Variants in MAP3K2 observed in about 807,000 individuals in gnomAD.
MAP3K2 encodes mitogen-activated protein kinase kinase kinase 2.
A neutral mutation model predicts 80.3 loss-of-function variants in MAP3K2; 24 were observed. That is an observed-to-expected ratio of 0.30 (90% CI 0.22 to 0.42). MAP3K2 has a LOEUF of 0.42. Among genes scored for constraint, MAP3K2 ranks in the 10% least tolerant of loss-of-function variants. The pLI is 1.00. For missense variants in MAP3K2, 608 were observed against 750.1 expected (o/e 0.81, Z 2.21); for synonymous variants, 244 against 253.7 (o/e 0.96, Z 0.36).
At chr2:127,376,577 A>G (rs1687155366) in intron 1 of MAP3K2, among the ~76,000 whole-genome samples, 1 of 152,172 alleles carries the variant, frequency 6.6e-6, no homozygotes. Context: ...GCAGTTCCGT[A>G]CAGGGGCTGC....
chr2:127,374,171 C>A (rs1017146030), intron 1 of MAP3K2, among the ~76,000 whole-genome samples: 20 of 152,286 alleles, frequency 1.3e-4, no homozygotes, highest in African/African-American at 4.6e-4. Context: ...TAGAAACTTT[C>A]TCCACTCAGC....
chr2:127,354,346 T>C (rs1055360184), intron 1 of MAP3K2, among the ~76,000 whole-genome samples: 2 of 151,722 alleles, frequency 1.3e-5, no homozygotes, highest in African/African-American at 4.9e-5. Flanking sequence ...AAATCCCTTA[T>C]TTGGTAACCC....
In MAP3K2 at chr2:127,300,032, T is replaced by C. The variant is rs1054944656; in HGVS notation, c.*7547A>G. On this transcript the variant is annotated 3_prime_UTR_variant, in exon 17 of 17. Coordinates refer to ENST00000682094, the MANE Select transcript of MAP3K2 (RefSeq NM_001371910.2). ...TAGTAATGGATTTTATAATACATTATAAAATTTTCTAATTTCTATTAATGT... is the reference window on the plus strand; with the variant it reads ...TAGTAATGGATTTTATAATACATTACAAAATTTTCTAATTTCTATTAATGT... The C allele has an allele frequency of 6.6e-6, 1 of 152,144 alleles. No individual in the cohort carries two copies. Among genetic ancestry groups the C allele is most frequent in the African/African-American group, 2.4e-5 (1 of 41,448 alleles). The allele number at this position is 152,144 out of a possible 1,614,324, so 9.4% of individuals were successfully genotyped here.
chr2:127,356,935 G>A (rs530861882), intron 1 of MAP3K2, among the ~76,000 whole-genome samples: 1 of 152,156 alleles, frequency 6.6e-6, no homozygotes, highest in Non-Finnish European at 1.5e-5. Context: ...AGAGTAAACA[G>A]ACAACCTACA....
upstream of MAP3K2, chr2:127,388,014 G>C (rs1181005901): frequency 5.1e-6 from 5 of 983,306 alleles, no homozygotes; most frequent in Non-Finnish European, 4.8e-6. Context: ...CCGCTCGCTC[G>C]TGCGCGCGCA....
chr2:127,378,742 T>C (rs2104899584), intron 1 of MAP3K2, among the ~76,000 whole-genome samples: 1 of 152,160 alleles, frequency 6.6e-6, no homozygotes, highest in Admixed American at 6.5e-5. Context: ...TTTACATCTA[T>C]ATGGTTTTTG....
chr2:127,335,227 T>C (rs1206176126), intron 5 of MAP3K2, among the ~76,000 whole-genome samples: 3 of 152,190 alleles, frequency 2.0e-5, no homozygotes, highest in African/African-American at 7.2e-5. Context: ...TTTCTGAATA[T>C]AAAAAACAAA....
rs180681213 is a variant in MAP3K2, at chr2:127,343,750, G to A, written c.-65-556C>T. 9.7e-4 allele frequency among the ~76,000 whole-genome samples: 147 copies of A among 152,330 alleles called. No individual in the cohort carries two copies. In the East Asian group the frequency reaches 0.013, roughly 14 times the overall value. On this transcript the variant is annotated intron_variant, in intron 1 of 16. Transcript: ENST00000682094. ...AAAGGTGTTTATGACCAAGTGCAGT[G>A]GCTCATGCCATAATCCCAGCACTTT...
Position 127,327,736 on chromosome 2 carries a change from T to G in MAP3K2, c.467-919A>C, listed in dbSNP as rs1019562198. On this transcript the variant is annotated intron_variant, in intron 7 of 16. Transcript: ENST00000682094. The stretch of plus-strand genomic sequence containing the variant: ...TATAAAAACAATTAAAAAGAATAAC[T>G]GCCAACATATAAGAAAAATAGATAA... Among the ~76,000 whole-genome samples the G allele has an allele frequency of 1.1e-4, 17 of 152,280 alleles. No homozygotes were observed. In the East Asian group the frequency reaches 3.1e-3, roughly 28 times the overall value.
At chr2:127,386,990 G>C (rs1687363573) in intron 1 of MAP3K2, among the ~76,000 whole-genome samples, 1 of 152,158 alleles carries the variant, frequency 6.6e-6, no homozygotes, top group Non-Finnish European at 1.5e-5. Context: ...AAGATGAAGA[G>C]AGATAATGCA....
intron 15 of MAP3K2, among the ~76,000 whole-genome samples, chr2:127,312,682 G>T (rs1685828758): frequency 6.6e-6 from 1 of 151,956 alleles, no homozygotes; most frequent in Admixed American, 6.6e-5. Context: ...ACAAACAAAG[G>T]CCGGGCACGG....
At position 127,302,505 on chromosome 2, in the gene MAP3K2, CACAGAAAAGTAACT is replaced by C. The variant is rs1558970078; in HGVS notation, c.*5060_*5073del. ...CATACATGCACACATGCACACACTT[CACAGAAAAGTAACT>C]TTTCTGTGAGTATTACCCAAAATGT... On this transcript the variant is annotated 3_prime_UTR_variant, in exon 17 of 17. Coordinates refer to ENST00000682094, the MANE Select transcript of MAP3K2 (RefSeq NM_001371910.2). The C allele has an allele frequency of 1.3e-5, 2 of 151,968 alleles. No individual in the cohort carries two copies. The allele number at this position is 151,968 out of a possible 1,614,324, so 9.4% of individuals were successfully genotyped here. A position where few individuals can be genotyped will look rare whatever the true frequency, so the allele number is the denominator to read the frequency against.
At position 127,378,587 on chromosome 2, in the gene MAP3K2, G is replaced by T. The variant is rs147429309; in HGVS notation, c.-66+8865C>A. On this transcript the variant is annotated intron_variant, in intron 1 of 16. Transcript: ENST00000682094. ...ATCAGTAAAATTGTAAATATGAAGA[G>T]TTGATTCTATAAAAATGAACCTGAA... Among the ~76,000 whole-genome samples the T allele has an allele frequency of 7.8e-4, 118 of 152,254 alleles. 1 individual carries two copies. In the East Asian group the frequency reaches 0.013, roughly 16 times the overall value.
chr2:127,332,480 C>G (rs935129365), intron 5 of MAP3K2, among the ~76,000 whole-genome samples: 3 of 152,194 alleles, frequency 2.0e-5, no homozygotes, highest in Admixed American at 2.0e-4. Flanking sequence ...TGGAGGGGTG[C>G]CTGGTGCAGC....
At chr2:127,334,178 C>T (rs571154283) in intron 5 of MAP3K2, among the ~76,000 whole-genome samples, 45 of 151,742 alleles carry the variant, frequency 3.0e-4, no homozygotes, top group African/African-American at 1.1e-3. Context: ...ACATAGCAAA[C>T]TGGGAGAAGT....
intron 1 of MAP3K2, among the ~76,000 whole-genome samples, chr2:127,352,156 C>T (rs1460175610): frequency 6.6e-6 from 1 of 152,012 alleles, no homozygotes; most frequent in African/African-American, 2.4e-5. Flanking sequence ...CGATTACAGC[C>T]GTGAGCCACC....
intron 12 of MAP3K2, among the ~76,000 whole-genome samples, chr2:127,320,948 A>T (rs763915469): frequency 3.3e-5 from 5 of 151,868 alleles, no homozygotes; most frequent in Non-Finnish European, 5.9e-5. Context: ...AGCAAAACCC[A>T]CTCTCTACAA....
At chr2:127,336,411 A>G (rs750108151) in intron 4 of MAP3K2, among the ~76,000 whole-genome samples, 17 of 152,322 alleles carry the variant, frequency 1.1e-4, no homozygotes, top group Non-Finnish European at 1.5e-4. Flanking sequence ...TTGGGTACAT[A>G]TATCATGTAG....
chr2:127,370,276 C>A (rs1019598572), intron 1 of MAP3K2, among the ~76,000 whole-genome samples: 1 of 152,164 alleles, frequency 6.6e-6, no homozygotes, highest in Non-Finnish European at 1.5e-5. Flanking sequence ...TGTCTGTGGG[C>A]GGCCCAGTCC....
Sources: gnomAD v4.1 joint callset for allele counts (sites outside exome capture counted in the v4.1 genomes callset) on GRCh38, gnomAD v4.1.1 for gene constraint, MANE v1.5 for transcripts, NCBI Gene and HGNC (gene_info 2026-07-23, HGNC 2026-07-21) for gene names.